Variants in MAF observed in about 807,000 individuals in gnomAD.
The protein encoded by MAF is MAF bZIP transcription factor.
A neutral mutation model predicts 22.0 loss-of-function variants in MAF; 10 were observed. The ratio of observed to expected loss-of-function variants is 0.45; its 90% CI spans 0.28 to 0.77. The LOEUF (loss-of-function observed/expected upper bound fraction) is 0.77, where lower values mean the gene tolerates loss of function less well. Ranked by LOEUF, MAF falls within the 30% of genes least tolerant of loss-of-function variation. The probability of loss-of-function intolerance (pLI) is 0.12; values close to 1 mark genes in which losing one functional copy is unlikely to be tolerated. For synonymous variants in MAF, 337 were observed against 255.8 expected (o/e 1.32, Z -3.03); for missense variants, 544 against 548.4 (o/e 0.99, Z 0.08).
At chr16:79,268,427 T>C in the MAF span, among the ~76,000 whole-genome samples, 1 of 152,174 alleles carries the variant, frequency 6.6e-6, no homozygotes, top group African/African-American at 2.4e-5. Flanking sequence ...ATAGTAATGA[T>C]GGCACTAGCC....
chr16:79,353,445 T>C, the MAF span, among the ~76,000 whole-genome samples: 1 of 152,158 alleles, frequency 6.6e-6, no homozygotes, highest in African/African-American at 2.4e-5. Context: ...CAAGAAATTA[T>C]TCAAAGTTAT....
the MAF span, among the ~76,000 whole-genome samples, chr16:79,338,404 T>A: frequency 6.6e-6 from 1 of 152,152 alleles, no homozygotes; most frequent in African/African-American, 2.4e-5. Context: ...GATTTGCTTT[T>A]TAGAAATGTC....
At chr16:79,293,157 T>G in the MAF span, among the ~76,000 whole-genome samples, 1 of 152,174 alleles carries the variant, frequency 6.6e-6, no homozygotes, top group Non-Finnish European at 1.5e-5. Flanking sequence ...CCCTGAGTTT[T>G]CTTGCGTGAG....
At chr16:79,274,501 A>C in the MAF span, among the ~76,000 whole-genome samples, 1 of 152,092 alleles carries the variant, frequency 6.6e-6, no homozygotes, top group Non-Finnish European at 1.5e-5. Context: ...GTGTCCAGGG[A>C]GCACTGACAG....
chr16:79,236,667 C>T, the MAF span, among the ~76,000 whole-genome samples: 1 of 152,026 alleles, frequency 6.6e-6, no homozygotes, highest in African/African-American at 2.4e-5. Context: ...AGACTGGAGG[C>T]CCTGGTCCCT....
the MAF span, among the ~76,000 whole-genome samples, chr16:79,349,320 G>A: frequency 6.6e-6 from 1 of 152,100 alleles, no homozygotes; most frequent in Non-Finnish European, 1.5e-5. Flanking sequence ...CTGTGATGAG[G>A]CATCCAAGAC....
the MAF span, among the ~76,000 whole-genome samples, chr16:79,216,328 G>C: frequency 2.6e-5 from 4 of 152,096 alleles, no homozygotes; most frequent in Non-Finnish European, 5.9e-5. Flanking sequence ...TGGCACATGT[G>C]CATATGCACA....
At chr16:79,550,699 A>G in the MAF span, among the ~76,000 whole-genome samples, 1 of 152,176 alleles carries the variant, frequency 6.6e-6, no homozygotes, top group Non-Finnish European at 1.5e-5. Context: ...ATTGCTGGGT[A>G]GAATTTGCCT....
chr16:79,509,125 C>G, the MAF span, among the ~76,000 whole-genome samples: 1 of 152,214 alleles, frequency 6.6e-6, no homozygotes, highest in Non-Finnish European at 1.5e-5. Context: ...CCTGGACACA[C>G]GTAGGTTGCA....
chr16:79,241,735 T>A, the MAF span, among the ~76,000 whole-genome samples: 1 of 151,384 alleles, frequency 6.6e-6, no homozygotes, highest in Non-Finnish European at 1.5e-5. Flanking sequence ...CCAAGACACA[T>A]GCTTATCAGA....
At chr16:79,206,396 A>T in the MAF span, 4 of 152,212 alleles carry the variant, frequency 2.6e-5, no homozygotes, top group East Asian at 5.8e-4. Flanking sequence ...CTACGTAATT[A>T]TCTGTATGGC....
the MAF span, among the ~76,000 whole-genome samples, chr16:79,421,565 G>T: frequency 6.6e-6 from 1 of 152,036 alleles, no homozygotes; most frequent in African/African-American, 2.4e-5. Flanking sequence ...CAGAAACCTC[G>T]GAAGGGAAGA....
the MAF span, among the ~76,000 whole-genome samples, chr16:79,389,028 G>C: frequency 3.3e-5 from 5 of 152,176 alleles, no homozygotes; most frequent in African/African-American, 1.2e-4. Context: ...AACTATTTCA[G>C]AAACAATAAT....
chr16:79,212,410 C>A, the MAF span: 3 of 399,458 alleles, frequency 7.5e-6, no homozygotes, highest in Non-Finnish European at 1.3e-5. Flanking sequence ...GTCATAGACT[C>A]CTTTGCTAAT....
the MAF span, among the ~76,000 whole-genome samples, chr16:79,323,972 G>A: frequency 6.6e-6 from 1 of 152,046 alleles, no homozygotes; most frequent in African/African-American, 2.4e-5. Context: ...CACCCAGAAC[G>A]TTCCAGAGCG....
chr16:79,262,870 C>A, the MAF span, among the ~76,000 whole-genome samples: 1 of 152,052 alleles, frequency 6.6e-6, no homozygotes, highest in African/African-American at 2.4e-5. Flanking sequence ...CAGAAATAAC[C>A]GTAGCATTTT....
At chr16:79,327,706 T>C in the MAF span, among the ~76,000 whole-genome samples, 2 of 152,228 alleles carry the variant, frequency 1.3e-5, no homozygotes, top group African/African-American at 4.8e-5. Flanking sequence ...ACAAGCCTCG[T>C]ACTGTCGCAG....
chr16:79,559,337 CA>C, the MAF span, among the ~76,000 whole-genome samples: 1 of 152,162 alleles, frequency 6.6e-6, no homozygotes, highest in African/African-American at 2.4e-5. Flanking sequence ...GAAAAGGCCC[CA>C]GTTATTCATG....
At chr16:79,477,845 C>T in the MAF span, among the ~76,000 whole-genome samples, 1 of 152,122 alleles carries the variant, frequency 6.6e-6, no homozygotes, top group East Asian at 1.9e-4. Context: ...CTGCCTCAGC[C>T]TCCCTAGTAG....
Sources: allele counts gnomAD v4.1 joint callset (sites outside exome capture counted in the v4.1 genomes callset), GRCh38; gene constraint gnomAD v4.1.1; transcripts MANE v1.5; gene names NCBI Gene and HGNC (gene_info 2026-07-23, HGNC 2026-07-21).